ZDHHC17: variants seen among roughly 807,000 people sequenced by gnomAD.
The protein encoded by ZDHHC17 is zDHHC palmitoyltransferase 17.
Under a neutral mutation model 90.3 loss-of-function variants are expected in ZDHHC17, and 40 were observed. That is an observed-to-expected ratio of 0.44 (90% CI 0.34 to 0.58). The LOEUF (loss-of-function observed/expected upper bound fraction) is 0.58, where lower values mean the gene tolerates loss of function less well. Among genes scored for constraint, ZDHHC17 ranks in the 20% least tolerant of loss-of-function variants. ZDHHC17 has a pLI of 0.01. For missense variants in ZDHHC17, 614 were observed against 780.8 expected, an observed-to-expected ratio of 0.79 and a Z score of 2.55; for synonymous variants, 235 against 252.4, an observed-to-expected ratio of 0.93 and a Z score of 0.65.
At chr12:76,839,589 TC>T (rs1173687348) in intron 10 of ZDHHC17, among the ~76,000 whole-genome samples, 1 of 152,166 alleles carries the variant, frequency 6.6e-6, no homozygotes. Context: ...CCAGAAAACA[TC>T]CAACTAGATT....
chr12:76,787,658 T>TGC (rs930340638), intron 1 of ZDHHC17, among the ~76,000 whole-genome samples: 10 of 151,602 alleles, frequency 6.6e-5, no homozygotes, highest in African/African-American at 1.9e-4. Context: ...TGTGTGTGTG[T>TGC]GCGCGCGCAG....
rs191418345 is a variant in ZDHHC17, at chr12:76,773,898, C to G, written c.93+9569C>G. ...ACTACATTTCCATAAAAGTCCTTCT[C>G]TTTGAAATTTTCTTTTATTCAGTCT... On this transcript the variant is annotated intron_variant, in intron 1 of 16. Transcript: ENST00000426126. 1.5e-4 allele frequency among the ~76,000 whole-genome samples: 23 copies of G among 152,232 alleles called. No individual in the cohort carries two copies. In the East Asian group the frequency reaches 4.4e-3, roughly 29 times the overall value.
rs548673561 is a variant in ZDHHC17, at chr12:76,823,808, A to C, written c.897+1277A>C. On this transcript the variant is annotated intron_variant, in intron 8 of 16. Transcript: ENST00000426126. ...AGAAGAATTAGATTCATAGTTTATA[A>C]ACTTGGCTGTTTTCAGCCCTATAAG... is the stretch of plus-strand genomic sequence containing the variant. 8.5e-5 allele frequency among the ~76,000 whole-genome samples: 13 copies of C among 152,300 alleles called. No individual in the cohort carries two copies. In the South Asian group the frequency reaches 1.9e-3, roughly 22 times the overall value.
chr12:76,807,537 C>G (rs926434063), intron 3 of ZDHHC17, among the ~76,000 whole-genome samples: 3 of 152,058 alleles, frequency 2.0e-5, no homozygotes, highest in Non-Finnish European at 4.4e-5. Flanking sequence ...TAGTTTTGAG[C>G]TAAGGTCTTA....
chr12:76,843,273 C>G (rs1415002125), intron 12 of ZDHHC17, among the ~76,000 whole-genome samples: 1 of 152,072 alleles, frequency 6.6e-6, no homozygotes, highest in East Asian at 1.9e-4. Flanking sequence ...TAAAGTATTT[C>G]AGATCAAAGA....
chr12:76,822,847 G>C (rs1953182284), intron 8 of ZDHHC17, among the ~76,000 whole-genome samples: 1 of 151,984 alleles, frequency 6.6e-6, no homozygotes. Flanking sequence ...ATACAGGCAT[G>C]AGCCACCGCG....
intron 1 of ZDHHC17, among the ~76,000 whole-genome samples, chr12:76,791,027 G>T (rs774270419): frequency 5.9e-5 from 9 of 152,004 alleles, no homozygotes; most frequent in Non-Finnish European, 8.8e-5. Context: ...ATCCTGTTTT[G>T]GTCATTGTAC....
intron 1 of ZDHHC17, among the ~76,000 whole-genome samples, chr12:76,772,708 T>C (rs1005676169): frequency 2.1e-5 from 3 of 145,024 alleles, no homozygotes; most frequent in Admixed American, 6.8e-5. Context: ...CTAACTTTTG[T>C]ATTTTTTTTT....
chr12:76,849,120 A>AG (rs1953529364), intron 15 of ZDHHC17, among the ~76,000 whole-genome samples: 1 of 94,458 alleles, frequency 1.1e-5, no homozygotes, highest in African/African-American at 3.8e-5. Context: ...CCTATCTCTA[A>AG]AAAAAAAAAA....
At chr12:76,768,359 C>G (rs1177120916) in intron 1 of ZDHHC17, among the ~76,000 whole-genome samples, 1 of 152,154 alleles carries the variant, frequency 6.6e-6, no homozygotes. Flanking sequence ...TAGATGACCT[C>G]TAAGATTTCT....
intron 1 of ZDHHC17, among the ~76,000 whole-genome samples, chr12:76,790,590 C>T (rs889802923): frequency 3.3e-5 from 5 of 152,110 alleles, no homozygotes; most frequent in African/African-American, 1.2e-4. Flanking sequence ...GTTACAAATA[C>T]ATGTATAGAT....
intron 7 of ZDHHC17, among the ~76,000 whole-genome samples, chr12:76,819,616 C>A (rs888414324): frequency 7.9e-5 from 12 of 152,096 alleles, no homozygotes; most frequent in African/African-American, 1.2e-4. Context: ...TAGAGATTTA[C>A]CTTCACATAT....
chr12:76,842,342 A>T (rs779537412), intron 11 of ZDHHC17, among the ~76,000 whole-genome samples: 3 of 152,118 alleles, frequency 2.0e-5, no homozygotes, highest in Non-Finnish European at 2.9e-5. Flanking sequence ...GACTGCTGTG[A>T]TTGCTTTGAG....
chr12:76,835,058 C>CTTT (rs56119519), intron 10 of ZDHHC17, among the ~76,000 whole-genome samples: 1 of 139,546 alleles, frequency 7.2e-6, no homozygotes, highest in African/African-American at 2.7e-5. Context: ...AGCCTTAGGC[C>CTTT]TTTTTTTTTT....
intron 7 of ZDHHC17, among the ~76,000 whole-genome samples, chr12:76,816,707 T>C (rs535872020): frequency 2.6e-5 from 4 of 152,016 alleles, no homozygotes; most frequent in Non-Finnish European, 5.9e-5. Context: ...GGTATCTCTT[T>C]ATGTTCCAAG....
At chr12:76,838,084 G>C (rs1262869766) in intron 10 of ZDHHC17, among the ~76,000 whole-genome samples, 1 of 151,762 alleles carries the variant, frequency 6.6e-6, no homozygotes, top group African/African-American at 2.4e-5. Flanking sequence ...TTTGATCTCA[G>C]TCTGTTTTTT....
chr12:76,779,860 G>A (rs1952602385), intron 1 of ZDHHC17, among the ~76,000 whole-genome samples: 1 of 151,626 alleles, frequency 6.6e-6, no homozygotes, highest in African/African-American at 2.4e-5. Flanking sequence ...TGAAAGTTAA[G>A]GTTGAGCTTC....
intron 16 of ZDHHC17, chr12:76,849,727 G>T: frequency 4.2e-6 from 1 of 239,754 alleles, no homozygotes; most frequent in Admixed American, 5.7e-5. Context: ...GAAATAGTAG[G>T]GTCCTAAGTA....
intron 1 of ZDHHC17, among the ~76,000 whole-genome samples, chr12:76,768,064 T>G (rs565739708): frequency 3.6e-4 from 55 of 152,340 alleles, no homozygotes; most frequent in Middle Eastern, 6.8e-3. Context: ...AGGCTAATGT[T>G]TATAAAGCAG....
Sources: allele counts gnomAD v4.1 joint callset (sites outside exome capture counted in the v4.1 genomes callset), GRCh38; gene constraint gnomAD v4.1.1; transcripts MANE v1.5; gene names NCBI Gene and HGNC (gene_info 2026-07-23, HGNC 2026-07-21).